Variants in DLGAP2 observed in about 807,000 individuals in gnomAD.
DLGAP2 encodes the protein DLG associated protein 2, also known as disks large-associated protein 2.
Under a neutral mutation model 100.3 loss-of-function variants are expected in DLGAP2, and 26 were observed. The ratio of observed to expected loss-of-function variants is 0.26; its 90% CI spans 0.19 to 0.36. The LOEUF (loss-of-function observed/expected upper bound fraction) is 0.36. Ranked by LOEUF, DLGAP2 falls within the 10% of genes least tolerant of loss-of-function variation. DLGAP2 has a pLI of 1.00. For synonymous variants in DLGAP2, 886 were observed against 630.1 expected, an observed-to-expected ratio of 1.41 and a Z score of -6.08; for missense variants, 1,858 against 1,453.2, an observed-to-expected ratio of 1.28 and a Z score of -4.53.
At chr8:797,229 C>T (rs1340024831) in intron 1 of DLGAP2, among the ~76,000 whole-genome samples, 8 of 152,176 alleles carry the variant, frequency 5.3e-5, no homozygotes, top group South Asian at 2.1e-4. Flanking sequence ...GCCCACCCAC[C>T]GTCCCCAGGG....
intron 13 of DLGAP2, among the ~76,000 whole-genome samples, chr8:1,693,942 C>G (rs1799316174): frequency 6.6e-6 from 1 of 152,164 alleles, no homozygotes; most frequent in Admixed American, 6.6e-5. Flanking sequence ...CACTGACGAA[C>G]TCTGTGTAAC....
At chr8:788,040 C>A (rs1357095341) in intron 1 of DLGAP2, among the ~76,000 whole-genome samples, 1 of 152,182 alleles carries the variant, frequency 6.6e-6, no homozygotes, top group African/African-American at 2.4e-5. Flanking sequence ...GGGGTCTGCC[C>A]TTGCAAAGGC....
chr8:1,465,711 A>G (rs1379222966), intron 3 of DLGAP2, among the ~76,000 whole-genome samples: 6 of 152,180 alleles, frequency 3.9e-5, no homozygotes, highest in Non-Finnish European at 7.3e-5. Flanking sequence ...TGGAAATGGG[A>G]CTGGAGAAAG....
At chr8:1,477,266 G>A (rs1175409413) in intron 3 of DLGAP2, among the ~76,000 whole-genome samples, 2 of 152,182 alleles carry the variant, frequency 1.3e-5, no homozygotes, top group African/African-American at 2.4e-5. Flanking sequence ...CGGCTGGAAG[G>A]TACTGGACCA....
intron 5 of DLGAP2, among the ~76,000 whole-genome samples, chr8:1,555,062 G>A (rs1801913588): frequency 6.6e-6 from 1 of 152,178 alleles, no homozygotes; most frequent in Non-Finnish European, 1.5e-5. Flanking sequence ...TTTGTTTTAA[G>A]TGGCTCATGG....
At chr8:1,598,022 T>C (rs529545460) in intron 6 of DLGAP2, among the ~76,000 whole-genome samples, 1 of 152,328 alleles carries the variant, frequency 6.6e-6, no homozygotes, top group Non-Finnish European at 1.5e-5. Context: ...AAATAGCTCT[T>C]ATTGAGATAC....
intron 2 of DLGAP2, among the ~76,000 whole-genome samples, chr8:1,245,852 C>T (rs1021436972): frequency 3.9e-5 from 6 of 152,110 alleles, no homozygotes; most frequent in Non-Finnish European, 5.9e-5. Flanking sequence ...CATGGAGACC[C>T]CGAGGTACAC....
rs1801674585 is a variant in DLGAP2, at chr8:1,549,306, C to T, written c.853C>T (p.Pro285Ser). 15 of 1,612,678 alleles carry T rather than the reference C, an allele frequency of 9.3e-6. No individual in the cohort carries two copies. Among genetic ancestry groups the T allele is most frequent in the Non-Finnish European group, 1.3e-5 (15 of 1,179,668 alleles). Residue 285 changes from proline to serine, a missense_variant, in exon 5 of 15, where the codon CCG (proline) becomes TCG (serine). Pro to Ser is a moderately conservative substitution (Grantham distance 74). Coordinates refer to ENST00000637795, the MANE Select transcript of DLGAP2 (RefSeq NM_001346810.2). The stretch of plus-strand genomic sequence containing the variant: ...GAGGAGCAAGAGCAAGGAGCGCAAG[C>T]CGGAGGGCAAGCCCCGGCCCGGCAT... ...SKRSKSKERKPEGKPRPGMSS... is the reference protein window; with the variant it reads ...SKRSKSKERKSEGKPRPGMSS...
intron 2 of DLGAP2, among the ~76,000 whole-genome samples, chr8:1,202,200 G>A (rs891711548): frequency 1.3e-5 from 2 of 151,912 alleles, no homozygotes; most frequent in African/African-American, 4.8e-5. Context: ...TGATGTATCT[G>A]TTGGTGTATG....
At chr8:781,879 A>G (rs1821696487) in intron 1 of DLGAP2, among the ~76,000 whole-genome samples, 1 of 152,172 alleles carries the variant, frequency 6.6e-6, no homozygotes, top group Non-Finnish European at 1.5e-5. Context: ...AAAAAGGAGA[A>G]GTTGAGTGCA....
intron 2 of DLGAP2, among the ~76,000 whole-genome samples, chr8:1,206,192 CA>C (rs1444990711): frequency 6.6e-6 from 1 of 152,146 alleles, no homozygotes; most frequent in Non-Finnish European, 1.5e-5. Flanking sequence ...GTACAAGTGC[CA>C]GGCTGCTTGA....
chr8:1,701,074 GC>G, intron 14 of DLGAP2, 113 bp from the exon 15 acceptor site: 2 of 937,458 alleles, frequency 2.1e-6, no homozygotes, highest in Non-Finnish European at 3.2e-6. Flanking sequence ...GAAGGATGCG[GC>G]CCTGGGGGCT....
chr8:1,138,937 G>A (rs531941437), intron 2 of DLGAP2, among the ~76,000 whole-genome samples: 2 of 151,812 alleles, frequency 1.3e-5, no homozygotes, highest in African/African-American at 4.8e-5. Context: ...TGGCCTGTGC[G>A]GCTGGTGGGA....
chr8:1,060,140 A>C (rs1255611036), intron 2 of DLGAP2, among the ~76,000 whole-genome samples: 1 of 152,136 alleles, frequency 6.6e-6, no homozygotes, highest in Non-Finnish European at 1.5e-5. Context: ...GTGCTTGGAA[A>C]AGCCTCAGGG....
At chr8:1,602,472 C>A (rs1335619700) in intron 6 of DLGAP2, among the ~76,000 whole-genome samples, 1 of 152,236 alleles carries the variant, frequency 6.6e-6, no homozygotes, top group Non-Finnish European at 1.5e-5. Flanking sequence ...CTGATTCATG[C>A]AGCCATGTTG....
intron 2 of DLGAP2, among the ~76,000 whole-genome samples, chr8:1,240,185 A>G (rs1424961855): frequency 6.9e-6 from 1 of 145,312 alleles, no homozygotes; most frequent in Non-Finnish European, 1.5e-5. Flanking sequence ...TCTCTCACAC[A>G]GAGTATCGTG....
chr8:1,418,502 C>T (rs114883667), intron 3 of DLGAP2, among the ~76,000 whole-genome samples: 1,568 of 152,252 alleles, frequency 0.01, 25 homozygotes, highest in African/African-American at 0.035. Flanking sequence ...CCCAAACCCA[C>T]GATTTATGTC....
At chr8:1,584,034 T>C (rs1475111720) in intron 6 of DLGAP2, among the ~76,000 whole-genome samples, 1 of 152,120 alleles carries the variant, frequency 6.6e-6, no homozygotes, top group Non-Finnish European at 1.5e-5. Flanking sequence ...CTGCTCGTGC[T>C]TGTCTCTACC....
intron 2 of DLGAP2, among the ~76,000 whole-genome samples, chr8:1,136,533 G>T (rs376542319): frequency 1.3e-5 from 2 of 152,252 alleles, no homozygotes; most frequent in Non-Finnish European, 2.9e-5. Context: ...GGCAGACAAC[G>T]TGGCTAGCAC....
Sources: gnomAD v4.1 joint callset for allele counts (sites outside exome capture counted in the v4.1 genomes callset) on GRCh38, gnomAD v4.1.1 for gene constraint, MANE v1.5 for transcripts, NCBI Gene and HGNC (gene_info 2026-07-23, HGNC 2026-07-21) for gene names.